Variants in PTPRT observed in about 807,000 individuals in gnomAD.
The protein encoded by PTPRT is receptor-type tyrosine-protein phosphatase T.
In PTPRT, 56 loss-of-function variants were observed where a neutral mutation model predicts 176.8. The ratio of observed to expected loss-of-function variants is 0.32; its 90% confidence interval spans 0.26 to 0.40. The LOEUF is 0.40. PTPRT is among the 10% of genes least tolerant of loss of function. The pLI is 1.00. For missense variants in PTPRT, 1,540 were observed against 1,908.2 expected (o/e 0.81, Z 3.60); for synonymous variants, 783 against 739.0 (o/e 1.06, Z -0.96).
intron 15 of PTPRT, among the ~76,000 whole-genome samples, chr20:42,218,809 T>C (rs545553789): frequency 7.6e-4 from 116 of 152,320 alleles, no homozygotes; most frequent in African/African-American, 2.5e-3. Context: ...GGCCCGGCTG[T>C]GTGGGACAAG....
intron 17 of PTPRT, among the ~76,000 whole-genome samples, chr20:42,152,996 G>C (rs953512161): frequency 2.6e-5 from 4 of 152,050 alleles, no homozygotes; most frequent in Non-Finnish European, 5.9e-5. Flanking sequence ...TGCACATGTA[G>C]TTCCCTCTTG....
intron 1 of PTPRT, among the ~76,000 whole-genome samples, chr20:42,988,954 T>C (rs1319020173): frequency 6.6e-6 from 1 of 152,224 alleles, no homozygotes; most frequent in African/African-American, 2.4e-5. Context: ...TCCCTAATGC[T>C]TGCATCATCT....
At chr20:43,113,099 G>A (rs995579318) in intron 1 of PTPRT, among the ~76,000 whole-genome samples, 30 of 151,602 alleles carry the variant, frequency 2.0e-4, no homozygotes, top group Non-Finnish European at 3.7e-4. Context: ...ACTCATTCAT[G>A]ATATAAACGT....
chr20:43,126,946 A>T (rs561612816), intron 1 of PTPRT, among the ~76,000 whole-genome samples: 3 of 152,204 alleles, frequency 2.0e-5, no homozygotes, highest in Non-Finnish European at 4.4e-5. Flanking sequence ...AATCAACTGC[A>T]TTGGATTCTG....
rs533519015 is a variant in PTPRT, at chr20:42,154,650, T to C, written c.2682+6702A>G. On this transcript the variant is annotated intron_variant, in intron 17 of 30. Coordinates refer to ENST00000373187, the MANE Select transcript of PTPRT (RefSeq NM_007050.6). ...TGGCGACAGCCTGTCTGGATTGAAC[T>C]GGGATGAATGTGCTTCTTCCTTCTC... is the stretch of plus-strand genomic sequence containing the variant. Among the ~76,000 whole-genome samples, 18 of 152,364 alleles carry C rather than the reference T, an allele frequency of 1.2e-4. No homozygotes were observed. The South Asian group carries it at 3.1e-3, about 26-fold the overall frequency.
At chr20:43,063,033 T>C (rs1483519411) in intron 1 of PTPRT, among the ~76,000 whole-genome samples, 3 of 152,174 alleles carry the variant, frequency 2.0e-5, no homozygotes, top group Non-Finnish European at 2.9e-5. Context: ...GAAAATTGCT[T>C]TGTGGAAAAC....
intron 7 of PTPRT, among the ~76,000 whole-genome samples, chr20:42,615,336 T>C (rs2074053908): frequency 7.3e-6 from 1 of 137,808 alleles, no homozygotes; most frequent in Non-Finnish European, 1.5e-5. Context: ...CAGTCTATCA[T>C]TGTTGGACAT....
At chr20:42,577,591 T>C (rs965346421) in intron 7 of PTPRT, among the ~76,000 whole-genome samples, 6 of 151,856 alleles carry the variant, frequency 4.0e-5, no homozygotes, top group Non-Finnish European at 7.4e-5. Flanking sequence ...GTCGGGGGAG[T>C]ATTCCCTTGG....
intron 1 of PTPRT, among the ~76,000 whole-genome samples, chr20:43,060,604 C>A (rs1015941459): frequency 2.0e-5 from 3 of 152,148 alleles, no homozygotes; most frequent in Non-Finnish European, 1.5e-5. Flanking sequence ...ACAGGCACAA[C>A]AATACATACT....
At chr20:42,645,765 T>TGTGC (rs1491152511) in intron 7 of PTPRT, among the ~76,000 whole-genome samples, 1 of 62,282 alleles carries the variant, frequency 1.6e-5, no homozygotes, top group Non-Finnish European at 3.6e-5. Context: ...TGTGTATTTA[T>TGTGC]GTGTGTGTGT....
At chr20:42,259,900 T>C (rs909709702) in intron 13 of PTPRT, among the ~76,000 whole-genome samples, 2 of 152,194 alleles carry the variant, frequency 1.3e-5, no homozygotes, top group South Asian at 2.1e-4. Context: ...ACTATATCCA[T>C]TACCTTGGTC....
intron 7 of PTPRT, among the ~76,000 whole-genome samples, chr20:42,629,626 G>T (rs948224139): frequency 2.0e-5 from 3 of 152,164 alleles, no homozygotes; most frequent in African/African-American, 7.2e-5. Flanking sequence ...TTTTCTGGGG[G>T]AGAGGGTTGT....
At chr20:43,067,364 T>C (rs1268725911) in intron 1 of PTPRT, among the ~76,000 whole-genome samples, 2 of 152,116 alleles carry the variant, frequency 1.3e-5, no homozygotes, top group Admixed American at 6.5e-5. Context: ...GGATTTCCTT[T>C]TAGGGTAATA....
chr20:43,068,454 G>A (rs1029306587), intron 1 of PTPRT, among the ~76,000 whole-genome samples: 2 of 147,622 alleles, frequency 1.4e-5, no homozygotes, highest in Non-Finnish European at 3.0e-5. Flanking sequence ...TGCAGTAGCC[G>A]AGACCGCGCC....
intron 1 of PTPRT, among the ~76,000 whole-genome samples, chr20:43,103,488 C>T (rs1261400868): frequency 2.0e-5 from 3 of 152,116 alleles, no homozygotes; most frequent in East Asian, 3.8e-4. Flanking sequence ...TCAGATGACA[C>T]CAAAAGCTAA....
chr20:42,587,243 T>G (rs2073487226), intron 7 of PTPRT, among the ~76,000 whole-genome samples: 1 of 152,156 alleles, frequency 6.6e-6, no homozygotes, highest in South Asian at 2.1e-4. Context: ...AAACATGCAA[T>G]TGCATTGTTT....
intron 1 of PTPRT, among the ~76,000 whole-genome samples, chr20:43,012,160 C>A (rs1985162540): frequency 6.6e-6 from 1 of 152,118 alleles, no homozygotes; most frequent in Admixed American, 6.5e-5. Flanking sequence ...AATAAACTCC[C>A]CATTATATAT....
intron 8 of PTPRT, among the ~76,000 whole-genome samples, chr20:42,450,613 CA>C (rs2070811315): frequency 6.7e-6 from 1 of 150,358 alleles, no homozygotes; most frequent in Non-Finnish European, 1.5e-5. Flanking sequence ...GCATAGGTTG[CA>C]AATATATTTT....
At chr20:42,378,234 C>G (rs775040119) in intron 9 of PTPRT, among the ~76,000 whole-genome samples, 1 of 152,182 alleles carries the variant, frequency 6.6e-6, no homozygotes, top group Non-Finnish European at 1.5e-5. Flanking sequence ...CCTAGGACAG[C>G]GGGAGGCACC....
Sources: gnomAD v4.1 joint callset for allele counts (sites outside exome capture counted in the v4.1 genomes callset) on GRCh38, gnomAD v4.1.1 for gene constraint, MANE v1.5 for transcripts, NCBI Gene and HGNC (gene_info 2026-07-23, HGNC 2026-07-21) for gene names.